The following SPATA16 variants were observed in gnomAD, a reference collection of about 807,000 sequenced individuals.
The protein encoded by SPATA16 is spermatogenesis-associated protein 16.
Under a neutral mutation model 63.3 loss-of-function variants are expected in SPATA16, and 36 were observed. The ratio of observed to expected loss-of-function variants is 0.57; its 90% confidence interval spans 0.44 to 0.75. The LOEUF (loss-of-function observed/expected upper bound fraction) is 0.75. Ranked by LOEUF, SPATA16 falls within the 30% of genes least tolerant of loss-of-function variation. The pLI is 0.00. For synonymous variants in SPATA16, 203 were observed against 216.7 expected, an observed-to-expected ratio of 0.94 and a Z score of 0.56; for missense variants, 646 against 679.3, an observed-to-expected ratio of 0.95 and a Z score of 0.54.
intron 4 of SPATA16, among the ~76,000 whole-genome samples, chr3:173,006,292 A>T (rs372358603): frequency 6.6e-5 from 10 of 152,338 alleles, no homozygotes; most frequent in African/African-American, 2.4e-4. Flanking sequence ...TACAAAGATT[A>T]ATGCTAGAAC....
intron 5 of SPATA16, among the ~76,000 whole-genome samples, chr3:172,959,256 G>A (rs1364400104): frequency 6.6e-6 from 1 of 152,164 alleles, no homozygotes; most frequent in Non-Finnish European, 1.5e-5. Context: ...TCACAGTGGG[G>A]ATGGTAAGAC....
At chr3:173,043,593 A>G (rs1292301224) in intron 3 of SPATA16, among the ~76,000 whole-genome samples, 1 of 151,968 alleles carries the variant, frequency 6.6e-6, no homozygotes, top group Non-Finnish European at 1.5e-5. Flanking sequence ...TATATTTACC[A>G]TTTATCACTT....
intron 3 of SPATA16, among the ~76,000 whole-genome samples, chr3:173,025,936 G>A (rs920220762): frequency 6.6e-6 from 1 of 151,884 alleles, no homozygotes; most frequent in Non-Finnish European, 1.5e-5. Flanking sequence ...GTAAAATACA[G>A]GGGAGTGAGA....
intron 1 of SPATA16, among the ~76,000 whole-genome samples, chr3:173,140,187 T>C (rs1738670279): frequency 6.6e-6 from 1 of 152,224 alleles, no homozygotes; most frequent in African/African-American, 2.4e-5. Flanking sequence ...GGGTAGTTTC[T>C]GTTATAATAC....
chr3:172,903,594 A>G (rs1042341101), intron 10 of SPATA16, among the ~76,000 whole-genome samples: 1 of 152,252 alleles, frequency 6.6e-6, no homozygotes, highest in African/African-American at 2.4e-5. Flanking sequence ...AATTCAGATT[A>G]TTCACTAGAG....
At chr3:173,035,110 TTG>T in intron 3 of SPATA16, among the ~76,000 whole-genome samples, 1 of 152,258 alleles carries the variant, frequency 6.6e-6, no homozygotes, top group East Asian at 1.9e-4. Flanking sequence ...ATATATTGTG[TTG>T]TGTTTGTTGA....
At chr3:173,111,142 A>G (rs915807228) in intron 2 of SPATA16, among the ~76,000 whole-genome samples, 3 of 152,188 alleles carry the variant, frequency 2.0e-5, no homozygotes, top group Non-Finnish European at 4.4e-5. Flanking sequence ...ATTTTTTTAG[A>G]GCATCAGTTT....
intron 4 of SPATA16, among the ~76,000 whole-genome samples, chr3:172,981,976 A>C (rs1015021827): frequency 6.6e-6 from 1 of 152,186 alleles, no homozygotes; most frequent in Non-Finnish European, 1.5e-5. Flanking sequence ...AATACTCACT[A>C]TCTGGCTCTA....
chr3:173,095,317 A>C (rs1423869410), intron 2 of SPATA16, among the ~76,000 whole-genome samples: 1 of 152,220 alleles, frequency 6.6e-6, no homozygotes, highest in African/African-American at 2.4e-5. Context: ...AGTTAAAACT[A>C]TAACTCCAAA....
chr3:173,019,852 T>C (rs1735280414), intron 3 of SPATA16, among the ~76,000 whole-genome samples: 1 of 152,142 alleles, frequency 6.6e-6, no homozygotes, highest in Non-Finnish European at 1.5e-5. Context: ...TGAATTCAAC[T>C]TATGTTACAT....
intron 2 of SPATA16, among the ~76,000 whole-genome samples, chr3:173,060,630 T>C (rs552581672): frequency 1.6e-4 from 25 of 152,300 alleles, no homozygotes; most frequent in African/African-American, 5.3e-4. Flanking sequence ...ATGAAGTCAA[T>C]AAAACACTTA....
At chr3:172,892,209 T>G (rs1983003) in intron 10 of SPATA16, among the ~76,000 whole-genome samples, 12 of 152,018 alleles carry the variant, frequency 7.9e-5, no homozygotes, top group African/African-American at 2.9e-4. Context: ...GTCTTGCCTG[T>G]GTACTTGAAA....
rs1560101003 is a variant in SPATA16, at chr3:173,028,018, CCTTCTTTCCTTCCTTCCTTCCTT to C, written c.759-8466_759-8444del. Among the ~76,000 whole-genome samples, 15 of 63,184 alleles carry C rather than the reference CCTTCTTTCCTTCCTTCCTTCCTT, an allele frequency of 2.4e-4. No homozygotes were observed. In the South Asian group the frequency reaches 2.9e-3, roughly 12 times the overall value. The allele number at this position is 63,184 out of a possible 152,430, so 41.5% of individuals were successfully genotyped here. A position where few individuals can be genotyped will look rare whatever the true frequency, so the allele number is the denominator to read the frequency against. ...CCCTCCCTCCCTCCCTCCCTCCCTTCCTTCTTTCCTTCCTTCCTTCCTTCCTTCCTTCCTTCCTTCCTTCCTTC... is the reference window on the plus strand; with the variant it reads ...CCCTCCCTCCCTCCCTCCCTCCCTTCCCTTCCTTCCTTCCTTCCTTCCTTC... On this transcript the variant is annotated intron_variant, in intron 3 of 10. Coordinates refer to ENST00000351008, the MANE Select transcript of SPATA16 (RefSeq NM_031955.6).
chr3:172,945,287 TA>T (rs1443185427), intron 6 of SPATA16, among the ~76,000 whole-genome samples: 2 of 152,090 alleles, frequency 1.3e-5, no homozygotes, highest in Non-Finnish European at 2.9e-5. Flanking sequence ...TGAAGAAATC[TA>T]AAAAGTAGAT....
chr3:173,117,919 T>C (rs2108337596), intron 1 of SPATA16, among the ~76,000 whole-genome samples, 170 bp from the exon 2 acceptor site: 1 of 152,334 alleles, frequency 6.6e-6, no homozygotes, highest in Non-Finnish European at 1.5e-5. Flanking sequence ...GAGGAGTGTA[T>C]GTGTCAGTCT....
chr3:173,030,892 C>G (rs150040690), intron 3 of SPATA16, among the ~76,000 whole-genome samples: 101 of 152,154 alleles, frequency 6.6e-4, no homozygotes, highest in Middle Eastern at 3.4e-3. Flanking sequence ...GAATACTCTT[C>G]AGACTTAAAA....
At chr3:173,044,062 G>A (rs1318513980) in intron 3 of SPATA16, among the ~76,000 whole-genome samples, 4 of 152,024 alleles carry the variant, frequency 2.6e-5, no homozygotes, top group East Asian at 1.9e-4. Flanking sequence ...GTTTGATTAT[G>A]ATGTTCCTAG....
chr3:172,984,562 C>T (rs547322131), intron 4 of SPATA16, among the ~76,000 whole-genome samples: 1 of 152,100 alleles, frequency 6.6e-6, no homozygotes, highest in Non-Finnish European at 1.5e-5. Context: ...TTGTAACAAG[C>T]CTTCTTCTAT....
intron 2 of SPATA16, among the ~76,000 whole-genome samples, chr3:173,094,173 A>G (rs1737294283): frequency 6.6e-6 from 1 of 152,146 alleles, no homozygotes; most frequent in African/African-American, 2.4e-5. Context: ...CCAAAGCACA[A>G]ATATTTGTAT....
Sources: allele counts gnomAD v4.1 joint callset (sites outside exome capture counted in the v4.1 genomes callset), GRCh38; gene constraint gnomAD v4.1.1; transcripts MANE v1.5; gene names NCBI Gene and HGNC (gene_info 2026-07-23, HGNC 2026-07-21).